PEX13: variants seen among roughly 807,000 people sequenced by gnomAD.
The protein encoded by PEX13 is peroxisomal biogenesis factor 13.
In PEX13, 28 loss-of-function variants were observed where a neutral mutation model predicts 34.5. The observed-to-expected ratio is 0.81, with a 90% CI of 0.60 to 1.11. The LOEUF (loss-of-function observed/expected upper bound fraction) is 1.11. PEX13 is among the 50% of genes most tolerant of loss of function. PEX13 has a pLI of 0.00. For synonymous variants in PEX13, 177 were observed against 175.1 expected, an observed-to-expected ratio of 1.01 and a Z score of -0.09; for missense variants, 550 against 491.0, an observed-to-expected ratio of 1.12 and a Z score of -1.13.
chr2:61,017,836 C>T lies in PEX13; in HGVS notation c.77C>T (p.Pro26Leu), dbSNP rs1680113252. The T allele has an allele frequency of 1.9e-6, 3 of 1,550,362 alleles. No homozygotes were observed. The highest frequency in any genetic ancestry group is 2.6e-6 in the Non-Finnish European group (3 of 1,146,780). Reference protein sequence around the residue: ...RIPGAGPGPGPGPTFQSADLG... With the variant: ...RIPGAGPGPGLGPTFQSADLG... ...CCGGGAGCCGGACCGGGACCAGGAC[C>T]GGGCCCCACTTTCCAGTGAGTGTGG... is the stretch of plus-strand genomic sequence containing the variant. Residue 26 changes from proline (P) to leucine (L), a missense_variant, in exon 1 of 4, where the codon CCG becomes CTG. Coordinates refer to ENST00000295030, the MANE Select transcript of PEX13 (RefSeq NM_002618.4).
At chr2:61,019,763 A>G (rs965123086) in intron 1 of PEX13, among the ~76,000 whole-genome samples, 5 of 152,168 alleles carry the variant, frequency 3.3e-5, no homozygotes, top group East Asian at 1.9e-4. Context: ...ACAGAATTTT[A>G]TAAGTCTTGA....
chr2:61,035,436 C>T (rs776675045), intron 2 of PEX13, among the ~76,000 whole-genome samples: 4 of 152,108 alleles, frequency 2.6e-5, no homozygotes, highest in Non-Finnish European at 5.9e-5. Flanking sequence ...CGCAGCTGCT[C>T]GCCAGCAAGG....
Position 61,051,664 on chromosome 2 carries a change from C to A in PEX13, c.*2894C>A, listed in dbSNP as rs1387116743. ...AACTTATTTAAGGAGTGCTACTTTA[C>A]AGAAATTACTAACACACCAAAACAT... On this transcript the variant is annotated 3_prime_UTR_variant, in exon 4 of 4. Coordinates refer to ENST00000295030, the MANE Select transcript of PEX13 (RefSeq NM_002618.4). The A allele has an allele frequency of 1.3e-5, 2 of 152,086 alleles. No individual in the cohort carries two copies. The highest frequency in any genetic ancestry group is 4.8e-5 in the African/African-American group (2 of 41,424). The allele number at this position is 152,086 out of a possible 1,614,324, so 9.4% of individuals were successfully genotyped here.
intron 1 of PEX13, 102 bp downstream of exon 1, chr2:61,017,953 T>C (rs2104788777): frequency 5.8e-6 from 8 of 1,372,568 alleles, no homozygotes; most frequent in Non-Finnish European, 8.0e-6. Context: ...CCTTCCCCCC[T>C]TTAACCAATA....
chr2:61,032,550 T>C (rs1680470041), intron 2 of PEX13, among the ~76,000 whole-genome samples: 1 of 152,238 alleles, frequency 6.6e-6, no homozygotes, highest in Non-Finnish European at 1.5e-5. Flanking sequence ...TCTCATTTAA[T>C]TATTTCAACA....
intron 1 of PEX13, among the ~76,000 whole-genome samples, chr2:61,031,097 C>T (rs1573552989): frequency 6.6e-6 from 1 of 152,140 alleles, no homozygotes; most frequent in Non-Finnish European, 1.5e-5. Flanking sequence ...TGAGACCAGC[C>T]TGGGAAACAT....
chr2:61,026,808 A>T (rs954758172), intron 1 of PEX13, among the ~76,000 whole-genome samples: 1 of 151,978 alleles, frequency 6.6e-6, no homozygotes, highest in African/African-American at 2.4e-5. Context: ...TAGTTTTTTT[A>T]AATTGGGTTT....
intron 2 of PEX13, among the ~76,000 whole-genome samples, chr2:61,042,964 C>A (rs61020648): frequency 0.062 from 9,507 of 152,212 alleles, 1,031 homozygotes; most frequent in African/African-American, 0.22. Context: ...TAAATGTTGT[C>A]ATCATGGGAG....
chr2:61,022,688 A>G (rs1436796903), intron 1 of PEX13, among the ~76,000 whole-genome samples: 2 of 152,146 alleles, frequency 1.3e-5, no homozygotes, highest in Non-Finnish European at 2.9e-5. Context: ...GAGCAACATA[A>G]CAAGACTCTG....
In PEX13 at chr2:61,049,561, G is replaced by A. The variant is rs1157174642; in HGVS notation, c.*791G>A. On this transcript the variant is annotated 3_prime_UTR_variant, in exon 4 of 4. Transcript: ENST00000295030. ...GGCTGAGGCGGGCAGATCACCTGAG[G>A]TTGGGAGTTCAAGACCACCCTGACC... The A allele has an allele frequency of 2.0e-5, 3 of 152,310 alleles. No homozygotes were observed. The allele number at this position is 152,310 out of a possible 1,614,324, so 9.4% of individuals were successfully genotyped here.
intron 1 of PEX13, among the ~76,000 whole-genome samples, chr2:61,027,338 CA>C (rs547417473): frequency 7.8e-4 from 81 of 103,254 alleles, no homozygotes; most frequent in Middle Eastern, 5.6e-3. Flanking sequence ...GACTCTGTCT[CA>C]AAAAAAAAAA....
intron 1 of PEX13, among the ~76,000 whole-genome samples, chr2:61,024,765 C>T (rs776978775): frequency 1.3e-5 from 2 of 152,024 alleles, no homozygotes; most frequent in African/African-American, 4.8e-5. Flanking sequence ...GCCGAGATCA[C>T]GCCACTGCAG....
intron 1 of PEX13, among the ~76,000 whole-genome samples, chr2:61,023,179 A>G (rs972689171): frequency 6.6e-6 from 1 of 151,804 alleles, no homozygotes; most frequent in Non-Finnish European, 1.5e-5. Flanking sequence ...TAATTTTTAT[A>G]TTTTTAGTAG....
At chr2:61,024,110 T>C (rs548903312) in intron 1 of PEX13, among the ~76,000 whole-genome samples, 4 of 152,202 alleles carry the variant, frequency 2.6e-5, no homozygotes, top group Non-Finnish European at 4.4e-5. Context: ...CTCTGTCTTA[T>C]TCTTTGCTCC....
chr2:61,026,936 C>G (rs1228192038), intron 1 of PEX13, among the ~76,000 whole-genome samples: 2 of 151,756 alleles, frequency 1.3e-5, no homozygotes, highest in Non-Finnish European at 1.5e-5. Context: ...CTCTCCTTTC[C>G]CTCTTCCATG....
intron 2 of PEX13, among the ~76,000 whole-genome samples, chr2:61,033,698 A>C (rs1367109353): frequency 6.6e-6 from 1 of 152,166 alleles, no homozygotes; most frequent in Non-Finnish European, 1.5e-5. Flanking sequence ...TAGTCAGGGA[A>C]CGCCTCCCTG....
chr2:61,028,349 T>TTGGGGGAAACACAAATC (rs1680394316), intron 1 of PEX13, among the ~76,000 whole-genome samples: 1 of 151,998 alleles, frequency 6.6e-6, no homozygotes, highest in Non-Finnish European at 1.5e-5. Flanking sequence ...TAAACAACAC[T>TTGGGGGAAACACAAATC]TGGGGGAAAC....
chr2:61,025,507 C>A (rs1479243033), intron 1 of PEX13, among the ~76,000 whole-genome samples: 1 of 151,982 alleles, frequency 6.6e-6, no homozygotes, highest in African/African-American at 2.4e-5. Flanking sequence ...TACAGGCATT[C>A]GCCACCACAC....
chr2:61,018,479 T>G, intron 1 of PEX13: 1 of 657,500 alleles, frequency 1.5e-6, no homozygotes, highest in East Asian at 3.1e-5. Context: ...ATTTTTTTTT[T>G]GTTTGGTTTT....
Sources: gnomAD v4.1 joint callset for allele counts (sites outside exome capture counted in the v4.1 genomes callset) on GRCh38, gnomAD v4.1.1 for gene constraint, MANE v1.5 for transcripts, NCBI Gene and HGNC (gene_info 2026-07-23, HGNC 2026-07-21) for gene names.